Variants in RCBTB1 observed in about 807,000 individuals in gnomAD.
RCBTB1 encodes RCC1 and BTB domain-containing protein 1.
In RCBTB1, 46 loss-of-function variants were observed where a neutral mutation model predicts 62.4. The observed-to-expected ratio is 0.74, with a 90% CI of 0.58 to 0.94. The LOEUF is 0.94. Among genes scored for constraint, RCBTB1 ranks in the 40% least tolerant of loss-of-function variants. The pLI, the probability that RCBTB1 is intolerant of heterozygous loss-of-function variation, is 0.00. For missense variants in RCBTB1, 565 were observed against 654.9 expected (o/e 0.86, Z 1.50); for synonymous variants, 222 against 245.8 (o/e 0.90, Z 0.91).
At chr13:49,557,701 C>T (rs1306210063) in intron 5 of RCBTB1, among the ~76,000 whole-genome samples, 1 of 152,044 alleles carries the variant, frequency 6.6e-6, no homozygotes, top group Non-Finnish European at 1.5e-5. Flanking sequence ...AGGAGGATCG[C>T]TTGAGCCCAG....
intron 2 of RCBTB1, among the ~76,000 whole-genome samples, chr13:49,572,102 A>G (rs761186314): frequency 1.1e-4 from 16 of 152,232 alleles, no homozygotes; most frequent in Non-Finnish European, 2.1e-4. Context: ...AGAGGCAGGC[A>G]GATCACTTGA....
At chr13:49,548,357 C>T (rs1455128476) in intron 9 of RCBTB1, among the ~76,000 whole-genome samples, 1 of 150,370 alleles carries the variant, frequency 6.7e-6, no homozygotes, top group Non-Finnish European at 1.5e-5. Flanking sequence ...CCATTGCACC[C>T]CAGCCTGGGT....
rs1962302858 is a variant in RCBTB1 at position 49,560,004 on chromosome 13, G to A, written c.358C>T (p.Gln120Ter). ...GTTNQGIAPV[Q>*]VCTNLLIKQV... ...TTGATCAAGAGATTGGTACAGACCTGGACGGGAGCAATGCCTTGGTTGGTC... is the reference window on the plus strand; with the variant it reads ...TTGATCAAGAGATTGGTACAGACCTAGACGGGAGCAATGCCTTGGTTGGTC... Residue 120 changes from glutamine to a stop codon, truncating the protein, a stop_gained, in exon 5 of 13, where the codon CAG (glutamine) becomes TAG (stop). Transcript: ENST00000378302. LOFTEE classifies it high-confidence loss of function. The A allele has an allele frequency of 6.2e-7, 1 of 1,614,174 alleles. No individual in the cohort carries two copies.
At chr13:49,579,207 G>T (rs975398094) in intron 2 of RCBTB1, among the ~76,000 whole-genome samples, 1 of 152,128 alleles carries the variant, frequency 6.6e-6, no homozygotes, top group Non-Finnish European at 1.5e-5. Context: ...CCACTCTATG[G>T]TATAAGGGCT....
intron 10 of RCBTB1, among the ~76,000 whole-genome samples, chr13:49,542,288 C>T (rs1447560647): frequency 6.6e-6 from 1 of 151,778 alleles, no homozygotes; most frequent in Admixed American, 6.6e-5. Context: ...CTTTAGTTAG[C>T]ACCCAAAAAA....
chr13:49,585,023 T>G (rs1396820905), intron 1 of RCBTB1, among the ~76,000 whole-genome samples: 1 of 152,048 alleles, frequency 6.6e-6, no homozygotes, highest in East Asian at 1.9e-4. Flanking sequence ...AGCACTACTC[T>G]CAGGAGACGA....
At chr13:49,544,228 G>A (rs1960623047) in intron 10 of RCBTB1, among the ~76,000 whole-genome samples, 1 of 152,200 alleles carries the variant, frequency 6.6e-6, no homozygotes, top group African/African-American at 2.4e-5. Flanking sequence ...CCAGCACTTT[G>A]GGAGGCTGAG....
chr13:49,561,712 T>C (rs1403072908), intron 4 of RCBTB1, among the ~76,000 whole-genome samples: 1 of 151,802 alleles, frequency 6.6e-6, no homozygotes, highest in Non-Finnish European at 1.5e-5. Flanking sequence ...TTAGAAAGTT[T>C]AATGGGAAGA....
At chr13:49,570,434 T>C (rs1226578926) in intron 2 of RCBTB1, among the ~76,000 whole-genome samples, 5 of 152,212 alleles carry the variant, frequency 3.3e-5, no homozygotes, top group African/African-American at 1.2e-4. Flanking sequence ...TACATGTCCA[T>C]ACCCATCATA....
In RCBTB1 at chr13:49,534,180, C is replaced by G. The variant is rs202073736; in HGVS notation, c.1538G>C (p.Gly513Ala). ...TQTAAFWQMD[G>A]PLLKEFIAKA... Reference sequence around the variant, plus strand: ...AGCAATGAATTCCTTTAGCAGAGGGCCATCCATTTGCCAAAATGCTGCAGT... The same window carrying G: ...AGCAATGAATTCCTTTAGCAGAGGGGCATCCATTTGCCAAAATGCTGCAGT... The change falls in exon 13 of 13, where the codon GGC becomes GCC. Residue 513 changes from glycine to alanine, a missense_variant. Coordinates refer to ENST00000378302, the MANE Select transcript of RCBTB1 (RefSeq NM_018191.4). 3.1e-6 allele frequency: 5 copies of G among 1,614,136 alleles called. No individual in the cohort carries two copies. Among genetic ancestry groups the G allele is most frequent in the Non-Finnish European group, 4.2e-6 (5 of 1,179,984 alleles).
At chr13:49,557,846 A>G (rs1248053708) in intron 5 of RCBTB1, among the ~76,000 whole-genome samples, 2 of 152,194 alleles carry the variant, frequency 1.3e-5, no homozygotes, top group Non-Finnish European at 2.9e-5. Flanking sequence ...CTAGAGAGAG[A>G]GTGCACTCCC....
chr13:49,567,145 G>A lies in RCBTB1; in HGVS notation c.126+9C>T. On this transcript the variant is annotated intron_variant, in intron 3 of 12. Transcript: ENST00000378302. ...CCTAAAACGAAACTAGGTTTCAAGA[G>A]ACTCTTACCTCATCATTGTCAGTAA... 2 of 1,613,218 alleles carry A rather than the reference G, an allele frequency of 1.2e-6. No homozygotes were observed. The highest frequency in any genetic ancestry group is 1.7e-6 in the Non-Finnish European group (2 of 1,179,612).
At position 49,551,124 on chromosome 13, in the gene RCBTB1, A is replaced by AG. The variant is rs570398463; in HGVS notation, c.854+201dup. On this transcript the variant is annotated intron_variant, in intron 8 of 12. Transcript: ENST00000378302. The stretch of plus-strand genomic sequence containing the variant: ...AAAAAAGGGAAGGGAAGGGAAGGGA[A>AG]GGGGGGAGGGAGAAGGGGGAAGGGG... 1.4e-5 allele frequency: 5 copies of AG among 358,050 alleles called. No individual in the cohort carries two copies. In the African/African-American group the frequency reaches 1.5e-4, roughly 10 times the overall value. The allele number at this position is 358,050 out of a possible 1,614,324, so 22.2% of individuals were successfully genotyped here. A position where few individuals can be genotyped will look rare whatever the true frequency, so the allele number is the denominator to read the frequency against.
chr13:49,552,790 C>T (rs1426952544), intron 6 of RCBTB1, among the ~76,000 whole-genome samples: 1 of 151,618 alleles, frequency 6.6e-6, no homozygotes, highest in Non-Finnish European at 1.5e-5. Context: ...TGAAGGAGAG[C>T]AAAAACATTC....
chr13:49,534,191 C>T lies in RCBTB1; in HGVS notation c.1527G>A (p.Trp509Ter), dbSNP rs1959754771. The T allele has an allele frequency of 6.2e-7, 1 of 1,614,100 alleles. No individual in the cohort carries two copies. Among genetic ancestry groups the T allele is most frequent in the African/African-American group, 1.3e-5 (1 of 75,034 alleles). Residue 509 changes from tryptophan (W) to a stop codon, truncating the protein, a stop_gained, in exon 13 of 13, where the codon TGG becomes TGA. Coordinates refer to ENST00000378302, the MANE Select transcript of RCBTB1 (RefSeq NM_018191.4). LOFTEE classifies it high-confidence loss of function. Reference sequence around the variant, plus strand: ...CCTTTAGCAGAGGGCCATCCATTTGCCAAAATGCTGCAGTCTGTGTAACTT... The same window carrying T: ...CCTTTAGCAGAGGGCCATCCATTTGTCAAAATGCTGCAGTCTGTGTAACTT... ...LTEVTQTAAFWQMDGPLLKEF... is the reference protein window; with the variant it reads ...LTEVTQTAAF
At chr13:49,576,412 T>C (rs892764255) in intron 2 of RCBTB1, among the ~76,000 whole-genome samples, 11 of 152,272 alleles carry the variant, frequency 7.2e-5, no homozygotes, top group African/African-American at 2.6e-4. Context: ...AACTCAAAGA[T>C]ACATTTCTAA....
chr13:49,548,413 A>G (rs535823131), intron 9 of RCBTB1, among the ~76,000 whole-genome samples: 132 of 151,772 alleles, frequency 8.7e-4, no homozygotes, highest in Non-Finnish European at 1.5e-3. Context: ...AAAGAAAAGA[A>G]AGTTCATCTT....
At chr13:49,553,035 A>C (rs1404048406) in intron 6 of RCBTB1, among the ~76,000 whole-genome samples, 1 of 152,174 alleles carries the variant, frequency 6.6e-6, no homozygotes, top group Non-Finnish European at 1.5e-5. Context: ...TACAAAAATT[A>C]GCTGGGCGTG....
chr13:49,548,846 G>A (rs1467677522), intron 9 of RCBTB1, among the ~76,000 whole-genome samples: 2 of 148,148 alleles, frequency 1.3e-5, no homozygotes, highest in Admixed American at 6.6e-5. Context: ...TTCTTCTGGG[G>A]TGATTAAAAC....
Sources: gnomAD v4.1 joint callset for allele counts (sites outside exome capture counted in the v4.1 genomes callset) on GRCh38, gnomAD v4.1.1 for gene constraint, MANE v1.5 for transcripts, NCBI Gene and HGNC (gene_info 2026-07-23, HGNC 2026-07-21) for gene names.